The following COL7A1 variants were observed in gnomAD, a reference collection of about 807,000 sequenced individuals.
COL7A1 encodes the protein collagen alpha-1(VII) chain.
A neutral mutation model predicts 456.2 loss-of-function variants in COL7A1; 296 were observed. That is an observed-to-expected ratio of 0.65 (90% CI 0.59 to 0.71). The LOEUF (loss-of-function observed/expected upper bound fraction) is 0.71. Ranked by LOEUF, COL7A1 falls within the 30% of genes least tolerant of loss-of-function variation. COL7A1 has a pLI of 0.00. For synonymous variants in COL7A1, 1,464 were observed against 1,525.9 expected (o/e 0.96, Z 0.95); for missense variants, 3,441 against 4,017.2 (o/e 0.86, Z 3.88).
In COL7A1 at chr3:48,574,523, C is replaced by T. The variant is rs1210063102; in HGVS notation, c.6421G>A (p.Gly2141Arg). Residue 2141 changes from glycine (G) to arginine (R), a missense_variant, in exon 79 of 119, where the codon GGA (glycine) becomes AGA (arginine). Physicochemically the swap from Gly to Arg is moderately radical, Grantham distance 125 (BLOSUM62 -2). This residue lies in a region of COL7A1 where 2,084 missense variants were observed against 2,501.3 expected (regional missense o/e 0.83). Coordinates refer to ENST00000681320, the MANE Select transcript of COL7A1 (RefSeq NM_000094.4). The surrounding 1 kb of genome is among the most constrained non-coding windows in gnomAD (Gnocchi z 5.0). ...RGVPGIKGDR[G>R]EPGPRGQDGN... The stretch of plus-strand genomic sequence containing the variant: ...TCCTGACCCCTCGGTCCAGGCTCTC[C>T]CCGGTCTCCTTTGATGCCTGGCACA... 1.2e-6 allele frequency: 2 copies of T among 1,614,054 alleles called. No homozygotes were observed. Among genetic ancestry groups the T allele is most frequent in the Admixed American group, 1.7e-5 (1 of 60,030 alleles).
At position 48,590,353 on chromosome 3, in the gene COL7A1, G is replaced by C; in HGVS notation, c.1910C>G (p.Pro637Arg). The C allele has an allele frequency of 1.2e-6, 2 of 1,614,036 alleles. No homozygotes were observed. Among genetic ancestry groups the C allele is most frequent in the Non-Finnish European group, 8.5e-7 (1 of 1,179,996 alleles). The change falls in exon 16 of 119, where the codon CCG becomes CGG. Residue 637 changes from proline (P) to arginine (R), a missense_variant. Physicochemically the swap from Pro to Arg is moderately radical, Grantham distance 103. Transcript: ENST00000681320. This position sits in a 1 kb window ranked among gnomAD's most constrained non-coding sequence, Gnocchi z 4.6. Reference protein sequence around the residue: ...FRISWSTGSGPESSQTLPPDS... With the variant: ...FRISWSTGSGRESSQTLPPDS... ...TGGGGGCAGTGTCTGGCTGGACTCC[G>C]GACCTGAGGTCAGAGGGAAATGCTG... is the stretch of plus-strand genomic sequence containing the variant.
chr3:48,593,083 C>G lies in COL7A1; in HGVS notation c.682+19G>C. 1 of 1,614,052 alleles carries G rather than the reference C, an allele frequency of 6.2e-7. No homozygotes were observed. The highest frequency in any genetic ancestry group is 8.5e-7 in the Non-Finnish European group (1 of 1,180,008). On this transcript the variant is annotated intron_variant, in intron 6 of 118. Coordinates refer to ENST00000681320, the MANE Select transcript of COL7A1 (RefSeq NM_000094.4). This position sits in a 1 kb window ranked among gnomAD's most constrained non-coding sequence, Gnocchi z 4.4. ...GTCCGGGGTCTAGGTCAGGGTACACCGTGTGGGCAGGAACTCACGAGGTCG... is the reference window on the plus strand; with the variant it reads ...GTCCGGGGTCTAGGTCAGGGTACACGGTGTGGGCAGGAACTCACGAGGTCG...
Position 48,595,251 on chromosome 3 carries a change from C to T in COL7A1, c.-2+17G>A. ...GGTCCGAGCCCAGCGCCCCTCCAGC[C>T]CGAGTCCTGGTCTTGCCTGCGCGTC... is the stretch of plus-strand genomic sequence containing the variant. On this transcript the variant is annotated intron_variant, in intron 1 of 118. Transcript: ENST00000681320. The T allele has an allele frequency of 6.5e-6, 7 of 1,080,792 alleles. No individual in the cohort carries two copies. The highest frequency in any genetic ancestry group is 6.9e-6 in the Non-Finnish European group (5 of 726,844). The allele number at this position is 1,080,792 out of a possible 1,614,324, so 67.0% of individuals were successfully genotyped here.
rs748310430 is a variant in COL7A1, at chr3:48,582,673, G to A, written c.4519-20C>T. On this transcript the variant is annotated intron_variant, in intron 44 of 118. Transcript: ENST00000681320. ...CAGCCCCTGGAGGAGAGGAAGGGAAGAGCTGTGCAGGTGGGTGGGGACGGG... is the reference window on the plus strand; with the variant it reads ...CAGCCCCTGGAGGAGAGGAAGGGAAAAGCTGTGCAGGTGGGTGGGGACGGG... The A allele has an allele frequency of 3.1e-6, 5 of 1,612,840 alleles. No individual in the cohort carries two copies. The highest frequency in any genetic ancestry group is 1.7e-4 in the Middle Eastern group (1 of 5,934).
chr3:48,583,947 G>A lies in COL7A1; in HGVS notation c.4231C>T (p.Pro1411Ser). Residue 1411 changes from proline to serine, a missense_variant, in exon 39 of 119, where the codon CCT (proline) becomes TCT (serine). Physicochemically the swap from Pro to Ser is moderately conservative, Grantham distance 74. This residue lies in a region of COL7A1 where 2,084 missense variants were observed against 2,501.3 expected (regional missense o/e 0.83). Coordinates refer to ENST00000681320, the MANE Select transcript of COL7A1 (RefSeq NM_000094.4). The surrounding 1 kb of genome is among the most constrained non-coding windows in gnomAD (Gnocchi z 5.1). ...DKGDRGERGP[P>S]GPGEGGIAPG... The stretch of plus-strand genomic sequence containing the variant: ...GCAATGCCACCTTCACCTGGTCCAG[G>A]GGGACCCTGGGAGAGAACAGCAGGT... 6.2e-7 allele frequency: 1 copy of A among 1,614,038 alleles called. No homozygotes were observed. Among genetic ancestry groups the A allele is most frequent in the Non-Finnish European group, 8.5e-7 (1 of 1,180,010 alleles).
Position 48,585,459 on chromosome 3 carries a change from C to T in COL7A1, c.3894+98G>A. ...CCTCCAGCTGGGCTTCTAGGAATTC[C>T]CGATGATTCTAACTCTGCTTCTTCC... On this transcript the variant is annotated intron_variant, in intron 32 of 118. Coordinates refer to ENST00000681320, the MANE Select transcript of COL7A1 (RefSeq NM_000094.4). This position sits in a 1 kb window ranked among gnomAD's most constrained non-coding sequence, Gnocchi z 4.5. 7.2e-7 allele frequency: 1 copy of T among 1,383,046 alleles called. No individual in the cohort carries two copies. Among genetic ancestry groups the T allele is most frequent in the Admixed American group, 1.7e-5 (1 of 59,572 alleles). The allele number at this position is 1,383,046 out of a possible 1,614,324, so 85.7% of individuals were successfully genotyped here.
Position 48,565,750 on chromosome 3 carries a change from A to C in COL7A1, c.8408-82T>G. 1 of 1,312,292 alleles carries C rather than the reference A, an allele frequency of 7.6e-7. No homozygotes were observed. The highest frequency in any genetic ancestry group is 1.1e-6 in the Non-Finnish European group (1 of 927,978). The allele number at this position is 1,312,292 out of a possible 1,614,324, so 81.3% of individuals were successfully genotyped here. Reference sequence around the variant, plus strand: ...GAGAGACAGACAGAGACACACAGGCAGAGGGGTAGAGATACACAAAGAGAT... The same window carrying C: ...GAGAGACAGACAGAGACACACAGGCCGAGGGGTAGAGATACACAAAGAGAT... On this transcript the variant is annotated intron_variant, in intron 114 of 118. Transcript: ENST00000681320. The surrounding 1 kb of genome is among the most constrained non-coding windows in gnomAD (Gnocchi z 4.5).
rs758379874 is a variant in COL7A1 at position 48,572,560 on chromosome 3, T to TTCC, written c.6901-25_6901-23dup. The TTCC allele has an allele frequency of 1.2e-6, 2 of 1,613,288 alleles. No homozygotes were observed. The highest frequency in any genetic ancestry group is 2.7e-5 in the African/African-American group (2 of 74,882). ...CAGCCTGTGGGGAATGCTAGTGAGT[T>TTCC]TCCTCCTCCTCCCCCGCCCCCACCC... On this transcript the variant is annotated intron_variant, in intron 88 of 118. Transcript: ENST00000681320. This position sits in a 1 kb window ranked among gnomAD's most constrained non-coding sequence, Gnocchi z 4.6.
At chr3:48,584,864 A>G in intron 34 of COL7A1, 46 bp downstream of exon 34, 1 of 1,613,922 alleles carries the variant, frequency 6.2e-7, no homozygotes, top group Middle Eastern at 1.7e-4. Flanking sequence ...CCTGTGGAAG[A>G]ACCCTGGGAA....
chr3:48,577,308 G>A (rs947734149), intron 65 of COL7A1, among the ~76,000 whole-genome samples: 2 of 152,222 alleles, frequency 1.3e-5, no homozygotes, highest in Non-Finnish European at 2.9e-5. Flanking sequence ...GTTGGTGATC[G>A]TCCACATGTC....
At chr3:48,584,139 G>A in intron 37 of COL7A1, 78 bp from the exon 38 acceptor site, 2 of 1,610,414 alleles carry the variant, frequency 1.2e-6, no homozygotes, top group South Asian at 2.2e-5. Context: ...AGGGTCATGG[G>A]GTCCAATTGG....
rs1227369277 is a variant in COL7A1, at chr3:48,594,378, C to T, written c.256G>A (p.Asp86Asn). ...AGGGCCCCTACTCACCGTGGGTCAT[C>T]GCTGTACTGCACTGTGGCAAAGCGC... ...GVRFATVQYS[D>N]DPRTEFGLDA... is the part of the protein sequence containing the mutation. Residue 86 changes from aspartate to asparagine, a missense_variant, in exon 3 of 119, where the codon GAT becomes AAT. By Grantham distance (23) the Asp-to-Asn change is conservative. Around this residue, in one of 3 missense-constraint regions of COL7A1, gnomAD observed 913 missense variants for 1,088.2 expected, o/e 0.84. Transcript: ENST00000681320. This position sits in a 1 kb window ranked among gnomAD's most constrained non-coding sequence, Gnocchi z 5.5. The T allele has an allele frequency of 4.9e-5, 79 of 1,610,480 alleles. No homozygotes were observed. The highest frequency in any genetic ancestry group is 6.5e-5 in the Non-Finnish European group (77 of 1,180,028).
At position 48,567,594 on chromosome 3, in the gene COL7A1, C is replaced by T; in HGVS notation, c.8026G>A (p.Glu2676Lys). ...TGTACCTTGGGACCGATCAGGCCCT[C>T]CTTGCCAGGGGCCCCCGACTGGCCC... ...VPGQSGAPGK[E>K]GLIGPKGDRG... The change falls in exon 109 of 119, where the codon GAG (glutamate) becomes AAG (lysine). Residue 2676 changes from glutamate to lysine, a missense_variant. Glu to Lys is a moderately conservative substitution (Grantham distance 56). Coordinates refer to ENST00000681320, the MANE Select transcript of COL7A1 (RefSeq NM_000094.4). This position sits in a 1 kb window ranked among gnomAD's most constrained non-coding sequence, Gnocchi z 4.3. 1 of 1,614,210 alleles carries T rather than the reference C, an allele frequency of 6.2e-7. No homozygotes were observed. Among genetic ancestry groups the T allele is most frequent in the Non-Finnish European group, 8.5e-7 (1 of 1,180,020 alleles).
rs1302251831 is a variant in COL7A1 at position 48,567,883 on chromosome 3, C to T, written c.7884G>A (p.Arg2628=). ...CAAGGCCACAGGCTCCCTTCACTCCCCGTTCACCCTGAGGGAGAAAAGCAG... is the reference window on the plus strand; with the variant it reads ...CAAGGCCACAGGCTCCCTTCACTCCTCGTTCACCCTGAGGGAGAAAAGCAG... ...FMGPRGLKGE[R]GVKGACGLDG... The change falls in exon 107 of 119, where the codon CGG becomes CGA. Residue 2628 remains arginine, a synonymous_variant. Coordinates refer to ENST00000681320, the MANE Select transcript of COL7A1 (RefSeq NM_000094.4). The surrounding 1 kb of genome is among the most constrained non-coding windows in gnomAD (Gnocchi z 4.3). 2 of 1,614,182 alleles carry T rather than the reference C, an allele frequency of 1.2e-6. No individual in the cohort carries two copies. Among genetic ancestry groups the T allele is most frequent in the South Asian group, 2.2e-5 (2 of 91,090 alleles).
At position 48,565,681 on chromosome 3, in the gene COL7A1, G is replaced by A. The variant is rs1332429352; in HGVS notation, c.8408-13C>T. 5 of 1,609,282 alleles carry A rather than the reference G, an allele frequency of 3.1e-6. No individual in the cohort carries two copies. Among genetic ancestry groups the A allele is most frequent in the Non-Finnish European group, 4.2e-6 (5 of 1,177,552 alleles). On this transcript the variant is annotated splice_polypyrimidine_tract_variant and intron_variant, in intron 114 of 118. Transcript: ENST00000681320. This position sits in a 1 kb window ranked among gnomAD's most constrained non-coding sequence, Gnocchi z 4.5. ...TGGCCCTGGCAGGCTAGAGGGGGCA[G>A]AGAGGGATAGAGAGACAATGACAGA...
Position 48,592,495 on chromosome 3 carries a change from T to C in COL7A1, c.977-28A>G, listed in dbSNP as rs2045774505. On this transcript the variant is annotated intron_variant, in intron 8 of 118. Transcript: ENST00000681320. This position sits in a 1 kb window ranked among gnomAD's most constrained non-coding sequence, Gnocchi z 7.6. Reference sequence around the variant, plus strand: ...GGGGGAGAGTCCCACCAGGGATTCATGGAGTCAGAAGTGGGAGGGGGTACT... The same window carrying C: ...GGGGGAGAGTCCCACCAGGGATTCACGGAGTCAGAAGTGGGAGGGGGTACT... The C allele has an allele frequency of 1.2e-6, 2 of 1,612,138 alleles. No individual in the cohort carries two copies. The highest frequency in any genetic ancestry group is 2.2e-5 in the East Asian group (1 of 44,826).
At position 48,594,673 on chromosome 3, in the gene COL7A1, G is replaced by C. The variant is rs1303162809; in HGVS notation, c.86-125C>G. 8.4e-7 allele frequency: 1 copy of C among 1,185,356 alleles called. No individual in the cohort carries two copies. The highest frequency in any genetic ancestry group is 1.2e-6 in the Non-Finnish European group (1 of 845,202). The allele number at this position is 1,185,356 out of a possible 1,614,324, so 73.4% of individuals were successfully genotyped here. A position where few individuals can be genotyped will look rare whatever the true frequency, so the allele number is the denominator to read the frequency against. Reference sequence around the variant, plus strand: ...GCCTCATCTTATGCAAACCAGGGCCGAATCGGCCTGAGCCTGAGGGCCTTG... The same window carrying C: ...GCCTCATCTTATGCAAACCAGGGCCCAATCGGCCTGAGCCTGAGGGCCTTG... On this transcript the variant is annotated intron_variant, in intron 2 of 118. Coordinates refer to ENST00000681320, the MANE Select transcript of COL7A1 (RefSeq NM_000094.4). The surrounding 1 kb of genome is among the most constrained non-coding windows in gnomAD (Gnocchi z 5.5).
Position 48,593,661 on chromosome 3 carries a change from C to T in COL7A1, c.302G>A (p.Gly101Asp), listed in dbSNP as rs973642161. 3 of 1,614,182 alleles carry T rather than the reference C, an allele frequency of 1.9e-6. No homozygotes were observed. Among genetic ancestry groups the T allele is most frequent in the East Asian group, 2.2e-5 (1 of 44,884 alleles). Residue 101 changes from glycine (G) to aspartate (D), a missense_variant, in exon 4 of 119, where the codon GGT becomes GAT. By Grantham distance (94) the Gly-to-Asp change is moderately conservative. Around this residue, in one of 3 missense-constraint regions of COL7A1, gnomAD observed 913 missense variants for 1,088.2 expected, o/e 0.84. Coordinates refer to ENST00000681320, the MANE Select transcript of COL7A1 (RefSeq NM_000094.4). The surrounding 1 kb of genome is among the most constrained non-coding windows in gnomAD (Gnocchi z 4.4). ...CTCACGGATGGCGCGGATCACATCA[C>T]CCCCAGAGCCAAGTGCATCCAGGCC... Reference protein sequence around the residue: ...EFGLDALGSGGDVIRAIRELS... With the variant: ...EFGLDALGSGDDVIRAIRELS...
chr3:48,572,018 C>T lies in COL7A1; in HGVS notation c.7051G>A (p.Gly2351Arg), dbSNP rs1800013. The change falls in exon 92 of 119, where the codon GGA becomes AGA. Residue 2351 changes from glycine (G) to arginine (R), a missense_variant. This residue lies in a region of COL7A1 where 2,084 missense variants were observed against 2,501.3 expected (regional missense o/e 0.83). Coordinates refer to ENST00000681320, the MANE Select transcript of COL7A1 (RefSeq NM_000094.4). This position sits in a 1 kb window ranked among gnomAD's most constrained non-coding sequence, Gnocchi z 4.6. ...GGACTCACATCTTCCCCAGGGTCTC[C>T]GGGCTCCCCTGCACGGCCAGCTTCA... Reference protein sequence around the residue: ...KGEAGRAGEPGDPGEDGQKGA... With the variant: ...KGEAGRAGEPRDPGEDGQKGA... 3 of 1,612,496 alleles carry T rather than the reference C, an allele frequency of 1.9e-6. No individual in the cohort carries two copies. The highest frequency in any genetic ancestry group is 2.5e-6 in the Non-Finnish European group (3 of 1,179,408).
Sources: allele counts gnomAD v4.1 joint callset (sites outside exome capture counted in the v4.1 genomes callset), GRCh38; gene constraint gnomAD v4.1.1; regional missense constraint gnomAD v4.1.1; non-coding constraint Gnocchi (gnomAD v3.1); transcripts MANE v1.5; gene names NCBI Gene and HGNC (gene_info 2026-07-23, HGNC 2026-07-21).